The following SBF2 variants were observed in gnomAD, a reference collection of about 807,000 sequenced individuals.
SBF2 encodes the protein myotubularin-related protein 13.
In SBF2, 112 loss-of-function variants were observed where a neutral mutation model predicts 225.2. The observed-to-expected ratio is 0.50, with a 90% confidence interval of 0.43 to 0.58. SBF2 has a LOEUF of 0.58. SBF2 is among the 20% of genes least tolerant of loss of function. The probability of loss-of-function intolerance (pLI) is 0.00; values close to 1 mark genes in which losing one functional copy is unlikely to be tolerated. For missense variants in SBF2, 1,996 were observed against 2,206.2 expected, an observed-to-expected ratio of 0.90 and a Z score of 1.91; for synonymous variants, 763 against 773.3, an observed-to-expected ratio of 0.99 and a Z score of 0.22.
intron 2 of SBF2, among the ~76,000 whole-genome samples, chr11:10,191,487 C>CTAAA (rs1957168262): frequency 6.6e-6 from 1 of 152,064 alleles, no homozygotes; most frequent in African/African-American, 2.4e-5. Context: ...ACACCATAGA[C>CTAAA]ATTAAAGAAT....
intron 2 of SBF2, among the ~76,000 whole-genome samples, chr11:10,060,144 G>A (rs1480169006): frequency 2.0e-5 from 3 of 151,996 alleles, no homozygotes; most frequent in African/African-American, 4.8e-5. Flanking sequence ...GACTAATTAC[G>A]AAGAAAAGAG....
intron 2 of SBF2, among the ~76,000 whole-genome samples, chr11:10,095,128 G>T (rs61878622): frequency 0.21 from 31,427 of 150,960 alleles, 3,972 homozygotes; most frequent in Non-Finnish European, 0.3. Flanking sequence ...TTGCTATGTT[G>T]CCCAGGCTAG....
intron 26 of SBF2, 129 bp downstream of exon 26, chr11:9,839,369 C>CT: frequency 1.1e-6 from 1 of 916,266 alleles, no homozygotes; most frequent in Non-Finnish European, 1.8e-6. Flanking sequence ...TGCTCGTATC[C>CT]TGGAGACCTT....
chr11:9,995,238 A>G (rs1321293064), intron 9 of SBF2, among the ~76,000 whole-genome samples: 1 of 152,246 alleles, frequency 6.6e-6, no homozygotes, highest in Admixed American at 6.5e-5. Flanking sequence ...TTTGAAGGAA[A>G]GCAGGTTGGG....
At chr11:10,113,167 A>C (rs923664213) in intron 2 of SBF2, among the ~76,000 whole-genome samples, 1 of 151,392 alleles carries the variant, frequency 6.6e-6, no homozygotes, top group African/African-American at 2.4e-5. Context: ...CTGATTTTTT[A>C]ATTTTTTATA....
At chr11:9,909,856 C>T (rs1158628004) in intron 16 of SBF2, among the ~76,000 whole-genome samples, 1 of 151,934 alleles carries the variant, frequency 6.6e-6, no homozygotes, top group Non-Finnish European at 1.5e-5. Flanking sequence ...CTAGGACTTC[C>T]CATCAAAAAA....
chr11:9,789,394 GCTCA>G, intron 34 of SBF2, 52 bp from the exon 35 acceptor site: 1 of 1,396,118 alleles, frequency 7.2e-7, no homozygotes, highest in Non-Finnish European at 1.0e-6. Flanking sequence ...AGTACCCCAA[GCTCA>G]CTGTCAGGCA....
intron 3 of SBF2, among the ~76,000 whole-genome samples, chr11:10,032,732 T>C (rs1161039213): frequency 6.6e-6 from 1 of 152,224 alleles, no homozygotes; most frequent in African/African-American, 2.4e-5. Context: ...CATGCTCCCA[T>C]AAAGGCCAGG....
intron 2 of SBF2, among the ~76,000 whole-genome samples, chr11:10,173,173 G>A (rs996011384): frequency 2.0e-5 from 3 of 152,208 alleles, no homozygotes; most frequent in East Asian, 3.8e-4. Context: ...TGGCCGAATA[G>A]GAACAGCTCT....
At chr11:10,228,431 C>T (rs1958675236) in intron 1 of SBF2, among the ~76,000 whole-genome samples, 1 of 152,122 alleles carries the variant, frequency 6.6e-6, no homozygotes, top group African/African-American at 2.4e-5. Flanking sequence ...CAGTTTTTGC[C>T]CATTCAGTAT....
Position 9,852,276 on chromosome 11 carries a change from T to C in SBF2, c.2610+400A>G, listed in dbSNP as rs796823930. ...AATTTTTAATAGACTTTCCAGCTGT[T>C]TGGGATGTATAGTCAGATTCAGAAA... On this transcript the variant is annotated intron_variant, in intron 21 of 39. Coordinates refer to ENST00000256190, the MANE Select transcript of SBF2 (RefSeq NM_030962.4). Among the ~76,000 whole-genome samples, 26 of 152,250 alleles carry C rather than the reference T, an allele frequency of 1.7e-4. 2 individuals carry two copies. Among genetic ancestry groups the C allele is most frequent in the African/African-American group, 5.3e-4 (22 of 41,524 alleles).
chr11:10,166,845 C>T (rs910286702), intron 2 of SBF2, among the ~76,000 whole-genome samples: 4 of 151,970 alleles, frequency 2.6e-5, no homozygotes, highest in Non-Finnish European at 5.9e-5. Flanking sequence ...GCCTGTAGTC[C>T]CAGCCACTCA....
chr11:9,850,338 A>T, intron 21 of SBF2, 120 bp from the exon 22 acceptor site: 2 of 898,562 alleles, frequency 2.2e-6, no homozygotes, highest in Non-Finnish European at 3.5e-6. Flanking sequence ...TCACTGCAGC[A>T]TCAAACTCCT....
chr11:10,244,395 C>A (rs1959555429), intron 1 of SBF2, among the ~76,000 whole-genome samples: 1 of 152,118 alleles, frequency 6.6e-6, no homozygotes. Flanking sequence ...ATTGTGTATT[C>A]TTGGCACCCT....
chr11:10,236,320 G>T (rs1000124626), intron 1 of SBF2, among the ~76,000 whole-genome samples: 2 of 151,950 alleles, frequency 1.3e-5, no homozygotes, highest in African/African-American at 4.8e-5. Flanking sequence ...AAATTATTTG[G>T]GTATAGTAGT....
At position 9,816,977 on chromosome 11, in the gene SBF2, T is replaced by C. The variant is rs1320584263; in HGVS notation, c.3841A>G (p.Thr1281Ala). 3 of 1,614,076 alleles carry C rather than the reference T, an allele frequency of 1.9e-6. 1 individual carries two copies. The highest frequency in any genetic ancestry group is 2.2e-5 in the South Asian group (2 of 91,078). ...RSSTRLISSP[T>A]SFIDVGARLA... Reference sequence around the variant, plus strand: ...CGGGCGCCAACATCAATGAAGGATGTTGGAGAGCTGATCAAGCGAGTGCTA... The same window carrying C: ...CGGGCGCCAACATCAATGAAGGATGCTGGAGAGCTGATCAAGCGAGTGCTA... Residue 1281 changes from threonine (T) to alanine (A), a missense_variant, in exon 29 of 40, where the codon ACA becomes GCA. By Grantham distance (58) the Thr-to-Ala change is moderately conservative (BLOSUM62 0). Coordinates refer to ENST00000256190, the MANE Select transcript of SBF2 (RefSeq NM_030962.4).
intron 6 of SBF2, chr11:10,016,894 C>T (rs530683349): frequency 4.6e-5 from 7 of 152,188 alleles, no homozygotes; most frequent in Admixed American, 3.3e-4. Flanking sequence ...ATTGAGAAAT[C>T]CAGTTTCTTT....
chr11:10,220,145 T>C (rs187574889), intron 1 of SBF2, among the ~76,000 whole-genome samples: 148 of 152,268 alleles, frequency 9.7e-4, no homozygotes, highest in African/African-American at 3.0e-3. Flanking sequence ...CTCACAATCA[T>C]GGCGCAAGGC....
chr11:9,804,583 G>A (rs1263789790), intron 32 of SBF2, among the ~76,000 whole-genome samples: 1 of 152,156 alleles, frequency 6.6e-6, no homozygotes, highest in Non-Finnish European at 1.5e-5. Flanking sequence ...GTTTGCTTAT[G>A]CCCTTTGCAT....
Sources: gnomAD v4.1 joint callset for allele counts (sites outside exome capture counted in the v4.1 genomes callset) on GRCh38, gnomAD v4.1.1 for gene constraint, MANE v1.5 for transcripts, NCBI Gene and HGNC (gene_info 2026-07-23, HGNC 2026-07-21) for gene names.